FGF12: variants seen among roughly 807,000 people sequenced by gnomAD.
The protein encoded by FGF12 is fibroblast growth factor 12, also known as fibroblast growth factor 12B.
A neutral mutation model predicts 23.6 loss-of-function variants in FGF12; 14 were observed. The ratio of observed to expected loss-of-function variants is 0.59; its 90% CI spans 0.39 to 0.93. FGF12 has a LOEUF of 0.93. Ranked by LOEUF, FGF12 falls within the 40% of genes least tolerant of loss-of-function variation. The pLI is 0.00. For missense variants in FGF12, 175 were observed against 217.8 expected (o/e 0.80, Z 1.24); for synonymous variants, 62 against 77.3 (o/e 0.80, Z 1.04).
At chr3:192,693,723 C>T (rs1718018263) in intron 2 of FGF12, among the ~76,000 whole-genome samples, 1 of 152,026 alleles carries the variant, frequency 6.6e-6, no homozygotes, top group South Asian at 2.1e-4. Context: ...AAATCAGAAC[C>T]TTATCTTACA....
At chr3:192,637,088 A>G (rs1715610089) in intron 2 of FGF12, among the ~76,000 whole-genome samples, 1 of 152,132 alleles carries the variant, frequency 6.6e-6, no homozygotes, top group African/African-American at 2.4e-5. Context: ...TGTTTCCTTT[A>G]TTCTTCCTTT....
chr3:192,356,050 T>C (rs1376305581), intron 3 of FGF12, among the ~76,000 whole-genome samples: 1 of 152,224 alleles, frequency 6.6e-6, no homozygotes, highest in African/African-American at 2.4e-5. Flanking sequence ...CTATACGCCC[T>C]TTTGTGCCTT....
intron 2 of FGF12, among the ~76,000 whole-genome samples, chr3:192,653,887 G>A (rs1716302765): frequency 6.6e-6 from 1 of 152,030 alleles, no homozygotes; most frequent in African/African-American, 2.4e-5. Context: ...GCTAATTTTT[G>A]TGTATGGGTT....
intron 2 of FGF12, among the ~76,000 whole-genome samples, chr3:192,653,561 T>A (rs924353276): frequency 4.6e-5 from 7 of 152,224 alleles, no homozygotes; most frequent in African/African-American, 1.7e-4. Flanking sequence ...GAGAACGCAG[T>A]ACAGATCTAT....
At chr3:192,512,627 C>A (rs1416785656) in intron 2 of FGF12, among the ~76,000 whole-genome samples, 1 of 151,206 alleles carries the variant, frequency 6.6e-6, no homozygotes, top group Non-Finnish European at 1.5e-5. Context: ...TCACAATTTT[C>A]GTAAAGGTAG....
At chr3:192,706,766 CAACAT>C (rs912159131) in intron 2 of FGF12, among the ~76,000 whole-genome samples, 16 of 152,158 alleles carry the variant, frequency 1.1e-4, no homozygotes, top group Non-Finnish European at 2.9e-5. Flanking sequence ...GACCTTTTTA[CAACAT>C]ATCTAGTTTT....
chr3:192,183,073 G>T (rs548342244), intron 4 of FGF12, among the ~76,000 whole-genome samples: 1 of 152,284 alleles, frequency 6.6e-6, no homozygotes, highest in East Asian at 1.9e-4. Context: ...GACTATAATG[G>T]TCAATGAAGG....
intron 5 of FGF12, among the ~76,000 whole-genome samples, chr3:192,160,371 G>A (rs113193457): frequency 7.5e-4 from 114 of 152,024 alleles, no homozygotes; most frequent in African/African-American, 2.7e-3. Flanking sequence ...TGGCTTTCTT[G>A]CTCATTATTA....
At chr3:192,490,570 C>CATATAT (rs1312216812) in intron 2 of FGF12, among the ~76,000 whole-genome samples, 2 of 151,382 alleles carry the variant, frequency 1.3e-5, no homozygotes, top group South Asian at 4.2e-4. Context: ...TACACATATA[C>CATATAT]ATATATATAT....
Position 192,170,480 on chromosome 3 carries a change from A to T in FGF12, c.405T>A (p.His135Gln). ...TACCTTCAATAGGTTTCGGTACAAA[A>T]TGTGATGAGGGCTTGGTTTTCTTCA... ...NRVKKTKPSS[H>Q]FVPKPIEVCM... Residue 135 changes from histidine to glutamine, a missense_variant, in exon 5 of 6, where the codon CAT becomes CAA. His to Gln is a conservative substitution (Grantham distance 24, BLOSUM62 0). Coordinates refer to ENST00000445105, the MANE Select transcript of FGF12 (RefSeq NM_004113.6). The T allele has an allele frequency of 6.2e-7, 1 of 1,614,030 alleles. No homozygotes were observed. The highest frequency in any genetic ancestry group is 8.5e-7 in the Non-Finnish European group (1 of 1,179,974).
At chr3:192,573,930 G>A (rs1712764613) in intron 2 of FGF12, among the ~76,000 whole-genome samples, 1 of 152,166 alleles carries the variant, frequency 6.6e-6, no homozygotes, top group African/African-American at 2.4e-5. Context: ...TTCAATAATA[G>A]GTTTAACCCA....
intron 2 of FGF12, among the ~76,000 whole-genome samples, chr3:192,662,225 T>G (rs1716696648): frequency 6.6e-6 from 1 of 152,226 alleles, no homozygotes; most frequent in Non-Finnish European, 1.5e-5. Flanking sequence ...TTTAATAAAA[T>G]ATCTCAAATG....
chr3:192,669,464 A>C (rs577133154), intron 2 of FGF12, among the ~76,000 whole-genome samples: 1 of 151,850 alleles, frequency 6.6e-6, no homozygotes, highest in Non-Finnish European at 1.5e-5. Context: ...GTGGGGACCT[A>C]TAGTCCCAGC....
At chr3:192,579,577 G>A (rs113577325) in intron 2 of FGF12, among the ~76,000 whole-genome samples, 6 of 152,118 alleles carry the variant, frequency 3.9e-5, no homozygotes, top group South Asian at 2.1e-4. Context: ...TTATTGAGAC[G>A]AAGTCTCTCT....
chr3:192,546,938 C>A (rs1298393229), intron 2 of FGF12, among the ~76,000 whole-genome samples: 1 of 152,048 alleles, frequency 6.6e-6, no homozygotes, highest in Non-Finnish European at 1.5e-5. Context: ...GTAGTCCTAG[C>A]TACTTCGGAG....
At chr3:192,381,904 G>C (rs554284091) in intron 2 of FGF12, among the ~76,000 whole-genome samples, 1 of 152,300 alleles carries the variant, frequency 6.6e-6, no homozygotes, top group East Asian at 1.9e-4. Flanking sequence ...GGAAGAAGCA[G>C]TGTGAAAGCA....
chr3:192,376,758 A>C (rs908903335), intron 2 of FGF12, among the ~76,000 whole-genome samples: 1 of 152,206 alleles, frequency 6.6e-6, no homozygotes, highest in African/African-American at 2.4e-5. Flanking sequence ...AACTTTTAAA[A>C]CATTATTTTT....
chr3:192,386,344 T>C (rs1720040714), intron 2 of FGF12, among the ~76,000 whole-genome samples: 1 of 152,226 alleles, frequency 6.6e-6, no homozygotes, highest in Non-Finnish European at 1.5e-5. Context: ...CTGCAGCTTA[T>C]CTTGGGAACA....
chr3:192,706,754 C>G (rs1718485421), intron 2 of FGF12, among the ~76,000 whole-genome samples: 1 of 152,172 alleles, frequency 6.6e-6, no homozygotes, highest in South Asian at 2.1e-4. Flanking sequence ...AACTTGAACC[C>G]TGACCTTTTT....
Sources: allele counts gnomAD v4.1 joint callset (sites outside exome capture counted in the v4.1 genomes callset), GRCh38; gene constraint gnomAD v4.1.1; transcripts MANE v1.5; gene names NCBI Gene and HGNC (gene_info 2026-07-23, HGNC 2026-07-21).